TLK1: variants seen among roughly 807,000 people sequenced by gnomAD.
TLK1 encodes the protein tousled like kinase 1, also known as serine/threonine-protein kinase tousled-like 1.
A neutral mutation model predicts 105.3 loss-of-function variants in TLK1; 24 were observed. The ratio of observed to expected loss-of-function variants is 0.23; its 90% CI spans 0.17 to 0.32. The LOEUF (loss-of-function observed/expected upper bound fraction) is 0.32. TLK1 is among the 10% of genes least tolerant of loss of function. The probability of loss-of-function intolerance (pLI) is 1.00; values close to 1 mark genes in which losing one functional copy is unlikely to be tolerated. For missense variants in TLK1, 558 were observed against 910.5 expected, an observed-to-expected ratio of 0.61 and a Z score of 4.98; for synonymous variants, 321 against 310.4, an observed-to-expected ratio of 1.03 and a Z score of -0.36.
intron 8 of TLK1, 27 bp from the exon 9 acceptor site, chr2:171,050,201 G>T: frequency 6.7e-7 from 1 of 1,499,296 alleles, no homozygotes; most frequent in Non-Finnish European, 9.1e-7. Flanking sequence ...AAATGCAAGA[G>T]GTCTAGACTG....
intron 3 of TLK1, among the ~76,000 whole-genome samples, chr2:171,074,346 G>C (rs1688400951): frequency 6.6e-6 from 1 of 152,182 alleles, no homozygotes; most frequent in Admixed American, 6.6e-5. Flanking sequence ...TAGGCTGGAG[G>C]TGGAGGTGTA....
At chr2:171,123,837 C>T (rs13419444) in intron 1 of TLK1, among the ~76,000 whole-genome samples, 61,326 of 151,974 alleles carry the variant, frequency 0.4, 14,110 homozygotes, top group African/African-American at 0.61. Flanking sequence ...CAAAAAAACA[C>T]TGATCTGTAA....
At chr2:171,188,853 C>T (rs1490029854) in intron 1 of TLK1, among the ~76,000 whole-genome samples, 13 of 147,884 alleles carry the variant, frequency 8.8e-5, no homozygotes, top group Admixed American at 4.1e-4. Context: ...CCAGCCTAGG[C>T]GACAAAGCAA....
At chr2:171,148,169 C>T (rs1276714030) in intron 1 of TLK1, among the ~76,000 whole-genome samples, 1 of 152,142 alleles carries the variant, frequency 6.6e-6, no homozygotes, top group Non-Finnish European at 1.5e-5. Flanking sequence ...CTATTACAGG[C>T]ATGAGCCACC....
At chr2:171,128,086 A>G (rs1055789033) in intron 1 of TLK1, among the ~76,000 whole-genome samples, 5 of 152,148 alleles carry the variant, frequency 3.3e-5, no homozygotes, top group African/African-American at 1.2e-4. Flanking sequence ...TTTTTAATAT[A>G]ATTGGTCTTT....
chr2:171,179,427 A>T (rs1370797655), intron 1 of TLK1, among the ~76,000 whole-genome samples: 1 of 152,196 alleles, frequency 6.6e-6, no homozygotes, highest in Non-Finnish European at 1.5e-5. Context: ...GGATTCCCCA[A>T]TGCCCCCTAT....
At position 171,160,131 on chromosome 2, in the gene TLK1, G is replaced by A. The variant is rs573830515; in HGVS notation, c.139+159C>T. Among the ~76,000 whole-genome samples the A allele has an allele frequency of 3.3e-5, 5 of 151,750 alleles. No homozygotes were observed. Among genetic ancestry groups the A allele is most frequent in the South Asian group, 2.1e-4 (1 of 4,808 alleles). On this transcript the variant is annotated intron_variant, in intron 1 of 20. Coordinates refer to ENST00000431350, the MANE Select transcript of TLK1 (RefSeq NM_012290.5). The surrounding 1 kb of genome is among the most constrained non-coding windows in gnomAD (Gnocchi z 4.4). ...CCACAGCCAGGGCACTACCTCCCCA[G>A]AGCCGGGGAGCCGGGCGGCCTCGCG...
At chr2:171,161,543 A>T (rs1692500996), upstream of TLK1, among the ~76,000 whole-genome samples, 1 of 152,204 alleles carries the variant, frequency 6.6e-6, no homozygotes, top group Non-Finnish European at 1.5e-5. Flanking sequence ...AAGAGTGAAG[A>T]ATCTTTAATG....
chr2:171,228,255 A>T (rs956689402), intron 1 of TLK1, among the ~76,000 whole-genome samples: 5 of 152,184 alleles, frequency 3.3e-5, no homozygotes, highest in Non-Finnish European at 2.9e-5. Flanking sequence ...CATTTTGTAG[A>T]TGTTACTGTA....
At chr2:171,182,523 G>A (rs572191693) in intron 1 of TLK1, among the ~76,000 whole-genome samples, 1 of 152,214 alleles carries the variant, frequency 6.6e-6, no homozygotes, top group South Asian at 2.1e-4. Flanking sequence ...ACAAGGCCAT[G>A]GAAAACAAGG....
chr2:171,188,705 CAA>C (rs998138338), intron 1 of TLK1, among the ~76,000 whole-genome samples: 2 of 44,646 alleles, frequency 4.5e-5, no homozygotes, highest in African/African-American at 7.9e-5. Context: ...GACTCTGTCT[CAA>C]AAAAAAAAAA....
intron 2 of TLK1, among the ~76,000 whole-genome samples, chr2:171,097,667 G>A (rs550792999): frequency 1.1e-4 from 16 of 152,308 alleles, no homozygotes; most frequent in African/African-American, 3.8e-4. Flanking sequence ...GCTCACATCT[G>A]TAATCCCAGT....
At position 171,134,725 on chromosome 2, in the gene TLK1, CTTTTT is replaced by C. The variant is rs572825171; in HGVS notation, c.140-16873_140-16869del. ...TATATACAATGTAATACTATTTGGC[CTTTTT>C]TTTTTTTTTTTTTTTTTTGAGACAG... is the stretch of plus-strand genomic sequence containing the variant. On this transcript the variant is annotated intron_variant, in intron 1 of 20. Coordinates refer to ENST00000431350, the MANE Select transcript of TLK1 (RefSeq NM_012290.5). 6.1e-3 allele frequency among the ~76,000 whole-genome samples: 633 copies of C among 103,780 alleles called. 2 individuals carry two copies. Among genetic ancestry groups the C allele is most frequent in the African/African-American group, 0.019 (482 of 25,160 alleles). The allele number at this position is 103,780 out of a possible 152,430, so 68.1% of individuals were successfully genotyped here. A position where few individuals can be genotyped will look rare whatever the true frequency, so the allele number is the denominator to read the frequency against.
At chr2:171,054,967 T>C in intron 7 of TLK1, 116 bp downstream of exon 7, 1 of 506,120 alleles carries the variant, frequency 2.0e-6, no homozygotes, top group Middle Eastern at 4.3e-4. Flanking sequence ...TTATCTTTCT[T>C]GATGTGTAAT....
intron 1 of TLK1, among the ~76,000 whole-genome samples, chr2:171,153,519 T>C (rs1692122130): frequency 6.6e-6 from 1 of 152,240 alleles, no homozygotes; most frequent in South Asian, 2.1e-4. Context: ...GAGGATGTCC[T>C]CCTGTGCACT....
intron 1 of TLK1, among the ~76,000 whole-genome samples, chr2:171,156,580 T>C (rs1159357879): frequency 2.0e-5 from 3 of 152,246 alleles, no homozygotes; most frequent in Non-Finnish European, 4.4e-5. Context: ...CTCTCTCCTC[T>C]AATATGTAAA....
At chr2:171,216,432 T>A (rs1046723564) in intron 1 of TLK1, among the ~76,000 whole-genome samples, 1 of 152,022 alleles carries the variant, frequency 6.6e-6, no homozygotes, top group Non-Finnish European at 1.5e-5. Flanking sequence ...GCCGAGATCA[T>A]GCCACTGCAC....
intron 1 of TLK1, among the ~76,000 whole-genome samples, chr2:171,230,678 C>T (rs938993537): frequency 1.3e-5 from 2 of 152,076 alleles, no homozygotes; most frequent in Non-Finnish European, 2.9e-5. Flanking sequence ...TTTTCTGCAA[C>T]CTGGTGTCTT....
At position 171,056,577 on chromosome 2, in the gene TLK1, G is replaced by T. The variant is rs13394406; in HGVS notation, c.454-11C>A. On this transcript the variant is annotated splice_polypyrimidine_tract_variant and intron_variant, in intron 5 of 20. Transcript: ENST00000431350. ...ATTTCCACCCTGGTACTGAGTAAAAGAAAAAGGAAGCATTATTATTTACTA... is the reference window on the plus strand; with the variant it reads ...ATTTCCACCCTGGTACTGAGTAAAATAAAAAGGAAGCATTATTATTTACTA... 1 of 1,598,632 alleles carries T rather than the reference G, an allele frequency of 6.3e-7. No individual in the cohort carries two copies. Among genetic ancestry groups the T allele is most frequent in the East Asian group, 2.2e-5 (1 of 44,586 alleles).
Sources: gnomAD v4.1 joint callset for allele counts (sites outside exome capture counted in the v4.1 genomes callset) on GRCh38, gnomAD v4.1.1 for gene constraint, Gnocchi (gnomAD v3.1) non-coding constraint, MANE v1.5 for transcripts, NCBI Gene and HGNC (gene_info 2026-07-23, HGNC 2026-07-21) for gene names.